CACNA1E: variants seen among roughly 807,000 people sequenced by gnomAD.
CACNA1E encodes calcium voltage-gated channel subunit alpha1 E.
CACNA1E carries 40 observed loss-of-function variants against 259.2 expected under a neutral mutation model. The ratio of observed to expected loss-of-function variants is 0.15; its 90% CI spans 0.12 to 0.20. The LOEUF (loss-of-function observed/expected upper bound fraction) is 0.20. Among genes scored for constraint, CACNA1E ranks in the 10% least tolerant of loss-of-function variants. The pLI is 1.00. For missense variants in CACNA1E, 1,874 were observed against 3,040.1 expected (o/e 0.62, Z 9.02); for synonymous variants, 1,104 against 1,138.5 (o/e 0.97, Z 0.61).
At chr1:181,478,059 C>A (rs746773017) in intron 2 of CACNA1E, among the ~76,000 whole-genome samples, 1 of 152,116 alleles carries the variant, frequency 6.6e-6, no homozygotes, top group Non-Finnish European at 1.5e-5. Context: ...GAATCCTGTC[C>A]TTATTATTAG....
At chr1:181,667,110 A>C (rs1648309902) in intron 7 of CACNA1E, among the ~76,000 whole-genome samples, 2 of 152,168 alleles carry the variant, frequency 1.3e-5, no homozygotes, top group African/African-American at 4.8e-5. Flanking sequence ...AACTTCCAAA[A>C]ACAAATGAGT....
intron 2 of CACNA1E, among the ~76,000 whole-genome samples, chr1:181,471,676 C>T (rs1479872006): frequency 6.6e-6 from 1 of 152,240 alleles, no homozygotes; most frequent in African/African-American, 2.4e-5. Context: ...AACTTCTGTG[C>T]GGCTCTTGGG....
At chr1:181,664,930 C>T (rs76017415) in intron 7 of CACNA1E, among the ~76,000 whole-genome samples, 24 of 152,246 alleles carry the variant, frequency 1.6e-4, no homozygotes, top group Non-Finnish European at 2.4e-4. Flanking sequence ...CTTTTTAAAG[C>T]GAACTGTTGA....
At chr1:181,326,065 C>T (rs1335398720) in intron 1 of CACNA1E, among the ~76,000 whole-genome samples, 1 of 152,238 alleles carries the variant, frequency 6.6e-6, no homozygotes, top group Non-Finnish European at 1.5e-5. Flanking sequence ...TGTCCACACC[C>T]AGGCCGCTGC....
chr1:181,448,102 C>T lies in CACNA1E; in HGVS notation c.434+34522C>T, dbSNP rs550054356. Among the ~76,000 whole-genome samples the T allele has an allele frequency of 2.7e-3, 409 of 152,330 alleles. 2 individuals carry two copies. Among genetic ancestry groups the T allele is most frequent in the African/African-American group, 8.8e-3 (364 of 41,566 alleles). ...CTCAATGCCATCTGCAGTCTTAGTT[C>T]CCGTAATTTACAGGTTCTGGGGATT... On this transcript the variant is annotated intron_variant, in intron 2 of 11. Transcript: ENST00000524607.
intron 1 of CACNA1E, among the ~76,000 whole-genome samples, chr1:181,368,649 G>A (rs115629603): frequency 0.021 from 3,238 of 152,252 alleles, 41 homozygotes; most frequent in Non-Finnish European, 0.027. Flanking sequence ...CAGGGAGGAG[G>A]GGGCAGTGCT....
intron 25 of CACNA1E, among the ~76,000 whole-genome samples, chr1:181,750,247 A>G (rs76132030): frequency 3.9e-5 from 6 of 152,374 alleles, no homozygotes; most frequent in East Asian, 3.9e-4. Context: ...GACAGTGGCA[A>G]TGGAGCAAAT....
intron 3 of CACNA1E, among the ~76,000 whole-genome samples, chr1:181,575,305 C>G (rs1650861577): frequency 6.6e-6 from 1 of 152,214 alleles, no homozygotes; most frequent in South Asian, 2.1e-4. Flanking sequence ...CAAAGACTAA[C>G]TTGGTGACAT....
intron 7 of CACNA1E, among the ~76,000 whole-genome samples, chr1:181,701,497 A>C (rs1469963153): frequency 6.6e-6 from 1 of 152,208 alleles, no homozygotes; most frequent in Non-Finnish European, 1.5e-5. Flanking sequence ...ACACTGTTAT[A>C]TGCAGAGACA....
intron 1 of CACNA1E, among the ~76,000 whole-genome samples, chr1:181,488,780 G>A (rs1273078259): frequency 2.0e-5 from 3 of 152,122 alleles, no homozygotes; most frequent in Non-Finnish European, 4.4e-5. Flanking sequence ...GGAGGAAGAG[G>A]AAAGTAATGA....
At chr1:181,597,719 T>A (rs951379737) in intron 6 of CACNA1E, among the ~76,000 whole-genome samples, 1 of 152,178 alleles carries the variant, frequency 6.6e-6, no homozygotes, top group African/African-American at 2.4e-5. Context: ...TGACTTACAG[T>A]TCCACATGGC....
chr1:181,666,037 T>A (rs1471934066), intron 7 of CACNA1E, among the ~76,000 whole-genome samples: 1 of 152,140 alleles, frequency 6.6e-6, no homozygotes, highest in Non-Finnish European at 1.5e-5. Context: ...TTAATCCTGG[T>A]ATCTTCTCCT....
At chr1:181,748,822 G>A (rs772259979) in intron 25 of CACNA1E, among the ~76,000 whole-genome samples, 3 of 152,110 alleles carry the variant, frequency 2.0e-5, no homozygotes, top group Admixed American at 6.6e-5. Flanking sequence ...CAAAAGGTTG[G>A]CAACCTCATT....
At chr1:181,487,243 T>G (rs945335999) in intron 1 of CACNA1E, among the ~76,000 whole-genome samples, 25 of 152,252 alleles carry the variant, frequency 1.6e-4, no homozygotes, top group African/African-American at 5.8e-4. Context: ...CTCATCATGC[T>G]GTGCATTACT....
chr1:181,379,169 T>C (rs560624023), intron 1 of CACNA1E, among the ~76,000 whole-genome samples: 2 of 151,878 alleles, frequency 1.3e-5, no homozygotes, highest in African/African-American at 4.8e-5. Context: ...ATATGCAAAG[T>C]AAGACAAAGG....
At chr1:181,744,607 A>G (rs1429591648) in intron 25 of CACNA1E, among the ~76,000 whole-genome samples, 2 of 152,204 alleles carry the variant, frequency 1.3e-5, no homozygotes, top group Non-Finnish European at 2.9e-5. Context: ...ATTCTTCACT[A>G]CCTGCCTGTG....
chr1:181,329,596 C>T (rs1453702374), intron 1 of CACNA1E, among the ~76,000 whole-genome samples: 1 of 152,198 alleles, frequency 6.6e-6, no homozygotes, highest in Non-Finnish European at 1.5e-5. Context: ...CATCCTCTCA[C>T]TCCCCATTCA....
intron 1 of CACNA1E, among the ~76,000 whole-genome samples, chr1:181,391,925 G>GTCTC (rs58946698): frequency 2.0e-5 from 3 of 147,724 alleles, no homozygotes; most frequent in Non-Finnish European, 3.0e-5. Context: ...CTCTCTCTCT[G>GTCTC]TCTCTCTCTC....
chr1:181,777,083 A>G (rs1660036956), intron 38 of CACNA1E, among the ~76,000 whole-genome samples: 1 of 152,262 alleles, frequency 6.6e-6, no homozygotes, highest in Non-Finnish European at 1.5e-5. Context: ...CATTTTTGCA[A>G]CAACCTATAT....
Sources: allele counts gnomAD v4.1 joint callset (sites outside exome capture counted in the v4.1 genomes callset), GRCh38; gene constraint gnomAD v4.1.1; transcripts MANE v1.5; gene names NCBI Gene and HGNC (gene_info 2026-07-23, HGNC 2026-07-21).